The following ADGRG1 variants were observed in gnomAD, a reference collection of about 807,000 sequenced individuals.
ADGRG1 encodes adhesion G protein-coupled receptor G1, also known as 7-transmembrane protein with no EGF-like N-terminal domains-1.
Under a neutral mutation model 73.5 loss-of-function variants are expected in ADGRG1, and 53 were observed. That is an observed-to-expected ratio of 0.72 (90% CI 0.58 to 0.91). ADGRG1 has a LOEUF of 0.91. Among genes scored for constraint, ADGRG1 ranks in the 40% least tolerant of loss-of-function variants. The pLI is 0.00. For synonymous variants in ADGRG1, 394 were observed against 374.4 expected (o/e 1.05, Z -0.60); for missense variants, 795 against 871.8 (o/e 0.91, Z 1.11).
intron 1 of ADGRG1, among the ~76,000 whole-genome samples, chr16:57,644,429 ACT>A (rs1369389012): frequency 2.8e-4 from 38 of 136,152 alleles, no homozygotes; most frequent in African/African-American, 9.7e-4. Context: ...CTCGTCACAC[ACT>A]CCTCACACAT....
At chr16:57,660,611 T>A (rs1285755824) in intron 11 of ADGRG1, 157 bp from the exon 12 acceptor site, 2 of 946,704 alleles carry the variant, frequency 2.1e-6, no homozygotes, top group African/African-American at 3.5e-5. Flanking sequence ...AGGGGGAGGG[T>A]CCAAACTTGG....
At chr16:57,640,213 T>G (rs1352203637) in intron 1 of ADGRG1, 1 of 152,180 alleles carries the variant, frequency 6.6e-6, no homozygotes, top group Non-Finnish European at 1.5e-5. Context: ...TGGAAACACA[T>G]TGTTGGAAGC....
At position 57,653,858 on chromosome 16, in the gene ADGRG1, TCTCTGC is replaced by T. The variant is rs372104123; in HGVS notation, c.621-105_621-100del. Reference sequence around the variant, plus strand: ...CTCTCTCTTGCCCACCCCACCCCTCTCTCTGCCTCTGCCTCTGCCTCTGCCTCTTCC... The same window carrying T: ...CTCTCTCTTGCCCACCCCACCCCTCTCTCTGCCTCTGCCTCTGCCTCTTCC... On this transcript the variant is annotated intron_variant, in intron 4 of 13. Coordinates refer to ENST00000562631, the MANE Select transcript of ADGRG1 (RefSeq NM_201525.4). 3,598 of 1,582,972 alleles carry T rather than the reference TCTCTGC, an allele frequency of 2.3e-3. 13 individuals carry two copies. The highest frequency in any genetic ancestry group is 0.012 in the African/African-American group (885 of 74,744).
At chr16:57,656,134 T>C (rs2045665587) in intron 7 of ADGRG1, 92 bp from the exon 8 acceptor site, 2 of 1,613,500 alleles carry the variant, frequency 1.2e-6, no homozygotes, top group African/African-American at 2.7e-5. Flanking sequence ...GGGTGGTGGC[T>C]TGACTGTGTT....
At position 57,643,642 on chromosome 16, in the gene ADGRG1, C is replaced by A. The variant is rs578152422; in HGVS notation, c.-35-6611C>A. 4 of 984,738 alleles carry A rather than the reference C, an allele frequency of 4.1e-6. No homozygotes were observed. The African/African-American group carries it at 5.2e-5, about 13-fold the overall frequency. The allele number at this position is 984,738 out of a possible 1,614,324, so 61.0% of individuals were successfully genotyped here. Reference sequence around the variant, plus strand: ...TGAGTGGGCCAGGCCTGGGCACCTGCCAGCCTCCGAGGCAGGCAGCTTGCT... The same window carrying A: ...TGAGTGGGCCAGGCCTGGGCACCTGACAGCCTCCGAGGCAGGCAGCTTGCT... On this transcript the variant is annotated intron_variant, in intron 1 of 13. Coordinates refer to ENST00000562631, the MANE Select transcript of ADGRG1 (RefSeq NM_201525.4).
At chr16:57,636,699 G>A (rs2039458624) in intron 1 of ADGRG1, 1 of 985,096 alleles carries the variant, frequency 1.0e-6, no homozygotes, top group Non-Finnish European at 1.2e-6. Flanking sequence ...CTGGGTTAGA[G>A]TCCCAGCTCC....
At chr16:57,646,481 G>T in intron 1 of ADGRG1, 2 of 985,430 alleles carry the variant, frequency 2.0e-6, no homozygotes, top group Non-Finnish European at 2.4e-6. Context: ...GTTCTGTCCT[G>T]TGTGTGTTTA....
chr16:57,650,534 G>A (rs2043787920), intron 2 of ADGRG1, 183 bp downstream of exon 2: 1 of 513,690 alleles, frequency 1.9e-6, no homozygotes, highest in Non-Finnish European at 2.5e-6. Flanking sequence ...GCAGTGCACA[G>A]CTTAGGGTAT....
At chr16:57,633,214 G>A in intron 1 of ADGRG1, 1 of 662,450 alleles carries the variant, frequency 1.5e-6, no homozygotes, top group Non-Finnish European at 1.9e-6. Context: ...AAAAGTGGCT[G>A]CAAAGTATGT....
At chr16:57,630,831 C>A in intron 1 of ADGRG1, 1 of 450,158 alleles carries the variant, frequency 2.2e-6, no homozygotes, top group Non-Finnish European at 2.9e-6. Flanking sequence ...TAGGGGGAGT[C>A]CTAGTGGAGG....
chr16:57,646,077 G>C (rs2042558786), intron 1 of ADGRG1: 1 of 152,330 alleles, frequency 6.6e-6, no homozygotes, highest in Admixed American at 6.5e-5. Flanking sequence ...GGATGGCCAG[G>C]TTCGTGGGTC....
At chr16:57,633,139 G>A (rs188365124) in intron 1 of ADGRG1, 106 of 342,670 alleles carry the variant, frequency 3.1e-4, no homozygotes, top group Admixed American at 1.5e-3. Context: ...CTCTGGACCC[G>A]TTTCCCTGCC....
Position 57,653,424 on chromosome 16 carries a change from T to C in ADGRG1, c.620+89T>C. On this transcript the variant is annotated intron_variant, in intron 4 of 13. Transcript: ENST00000562631. Reference sequence around the variant, plus strand: ...GGGTGGGACCTGGAGTAGGGGCTACTGCGAGGCCTTCCCTGGGACTGGAAT... The same window carrying C: ...GGGTGGGACCTGGAGTAGGGGCTACCGCGAGGCCTTCCCTGGGACTGGAAT... 3 of 1,578,030 alleles carry C rather than the reference T, an allele frequency of 1.9e-6. No individual in the cohort carries two copies. The African/African-American group carries it at 4.0e-5, about 21-fold the overall frequency.
At chr16:57,662,278 G>T (rs1488336993) in intron 13 of ADGRG1, among the ~76,000 whole-genome samples, 2 of 152,234 alleles carry the variant, frequency 1.3e-5, no homozygotes, top group Non-Finnish European at 2.9e-5. Flanking sequence ...GTCCCAGATA[G>T]TAGGGACATC....
chr16:57,620,353 C>T (rs573027613), upstream of ADGRG1, among the ~76,000 whole-genome samples: 1 of 152,290 alleles, frequency 6.6e-6, no homozygotes, highest in Non-Finnish European at 1.5e-5. Flanking sequence ...CATGGCCGGG[C>T]ATGCTGGCAT....
At chr16:57,642,579 G>A (rs79694343) in intron 1 of ADGRG1, 62,497 of 967,134 alleles carry the variant, frequency 0.065, 2,056 homozygotes, top group African/African-American at 0.087. Context: ...TTTCTTTCCT[G>A]CAGGACTTAT....
chr16:57,642,945 G>C (rs1335469115), intron 1 of ADGRG1: 1 of 152,264 alleles, frequency 6.6e-6, no homozygotes, highest in Non-Finnish European at 1.5e-5. Flanking sequence ...TAGGGTTACT[G>C]TGAGGATTGA....
At chr16:57,622,020 G>T (rs1303046974) in intron 2 of ADGRG1, 15 of 223,652 alleles carry the variant, frequency 6.7e-5, no homozygotes, top group African/African-American at 3.5e-4. Flanking sequence ...CTCCTCGTGA[G>T]GCTCAGGTGG....
chr16:57,662,885 A>G, intron 13 of ADGRG1: 2 of 981,768 alleles, frequency 2.0e-6, no homozygotes, highest in Non-Finnish European at 2.4e-6. Context: ...CATGGGGTTC[A>G]AGGCCAGCCT....
Sources: allele counts gnomAD v4.1 joint callset (sites outside exome capture counted in the v4.1 genomes callset), GRCh38; gene constraint gnomAD v4.1.1; transcripts MANE v1.5; gene names NCBI Gene and HGNC (gene_info 2026-07-23, HGNC 2026-07-21).